The following GARNL3 variants were observed in gnomAD, a reference collection of about 807,000 sequenced individuals.
GARNL3 encodes GTPase-activating Rap/Ran-GAP domain-like protein 3.
A neutral mutation model predicts 125.0 loss-of-function variants in GARNL3; 63 were observed. That is an observed-to-expected ratio of 0.50 (90% CI 0.41 to 0.62). The LOEUF (loss-of-function observed/expected upper bound fraction) is 0.62, where lower values mean the gene tolerates loss of function less well. Among genes scored for constraint, GARNL3 ranks in the 20% least tolerant of loss-of-function variants. GARNL3 has a pLI of 0.00. For synonymous variants in GARNL3, 439 were observed against 457.5 expected (o/e 0.96, Z 0.52); for missense variants, 994 against 1,244.0 (o/e 0.80, Z 3.02).
chr9:127,306,267 C>T (rs1483567815), intron 2 of GARNL3, among the ~76,000 whole-genome samples: 1 of 152,140 alleles, frequency 6.6e-6, no homozygotes, highest in African/African-American at 2.4e-5. Flanking sequence ...ATTTATGATA[C>T]AGTAATATAT....
In GARNL3 at chr9:127,333,067, G is replaced by A. The variant is rs1407765950; in HGVS notation, c.715G>A (p.Asp239Asn). The A allele has an allele frequency of 6.2e-7, 1 of 1,614,122 alleles. No homozygotes were observed. Among genetic ancestry groups the A allele is most frequent in the Admixed American group, 1.7e-5 (1 of 60,028 alleles). ...TCAAAAATTTTTAAATCTTCTGGGTGACACAATCACTCTAAAGGGCTGGAC... is the reference window on the plus strand; with the variant it reads ...TCAAAAATTTTTAAATCTTCTGGGTAACACAATCACTCTAAAGGGCTGGAC... ...PFQKFLNLLGDTITLKGWTGY... is the reference protein window; with the variant it reads ...PFQKFLNLLGNTITLKGWTGY... The change falls in exon 9 of 28, where the codon GAC (aspartate) becomes AAC (asparagine). Residue 239 changes from aspartate to asparagine, a missense_variant. By Grantham distance (23) the Asp-to-Asn change is conservative. Transcript: ENST00000373387.
intron 4 of GARNL3, among the ~76,000 whole-genome samples, chr9:127,314,589 G>A (rs1252345135): frequency 6.7e-6 from 1 of 149,724 alleles, no homozygotes; most frequent in Non-Finnish European, 1.5e-5. Flanking sequence ...AGGCAGGAGA[G>A]GGTGGGTTTC....
At chr9:127,292,242 C>G (rs2064444591) in intron 2 of GARNL3, among the ~76,000 whole-genome samples, 1 of 152,220 alleles carries the variant, frequency 6.6e-6, no homozygotes, top group African/African-American at 2.4e-5. Context: ...CAAATGGAGG[C>G]TGAATACCCC....
chr9:127,311,041 A>G (rs867121626), intron 2 of GARNL3, among the ~76,000 whole-genome samples: 1 of 152,174 alleles, frequency 6.6e-6, no homozygotes, highest in Non-Finnish European at 1.5e-5. Flanking sequence ...AATTTTATTT[A>G]CAATAACAAA....
chr9:127,271,802 G>C (rs551103537), intron 1 of GARNL3, among the ~76,000 whole-genome samples: 2 of 150,170 alleles, frequency 1.3e-5, no homozygotes, highest in Admixed American at 1.3e-4. Flanking sequence ...GATACTTCTG[G>C]GTAAGTAATG....
intron 1 of GARNL3, among the ~76,000 whole-genome samples, chr9:127,233,852 C>G (rs2063064242): frequency 6.6e-6 from 1 of 152,092 alleles, no homozygotes; most frequent in African/African-American, 2.4e-5. Context: ...GTCGGGGTGC[C>G]TCCTTTTCTT....
chr9:127,231,050 A>ATATATATT lies in GARNL3; in HGVS notation c.-29+6713_-29+6714insATATATTT, dbSNP rs1161629810. 7.1e-4 allele frequency among the ~76,000 whole-genome samples: 64 copies of ATATATATT among 89,546 alleles called. 2 individuals are homozygous for ATATATATT. The highest frequency in any genetic ancestry group is 4.3e-3 in the African/African-American group (54 of 12,592). The allele number at this position is 89,546 out of a possible 152,430, so 58.7% of individuals were successfully genotyped here. A position where few individuals can be genotyped will look rare whatever the true frequency, so the allele number is the denominator to read the frequency against. Reference sequence around the variant, plus strand: ...TGTATATATACATATATATATATATATTTTTTTTTTTTTTTTTTTTTTGAG... The same window carrying ATATATATT: ...TGTATATATACATATATATATATATATATATATTTTTTTTTTTTTTTTTTTTTTTTGAG... On this transcript the variant is annotated intron_variant, in intron 1 of 10. Transcript: ENST00000439286.
At chr9:127,261,183 G>A (rs1227868167), upstream of GARNL3, among the ~76,000 whole-genome samples, 2 of 151,998 alleles carry the variant, frequency 1.3e-5, no homozygotes, top group East Asian at 2.0e-4. Context: ...TTGAACCCAG[G>A]AGGTGGAGGT....
Position 127,242,838 on chromosome 9 carries a change from G to A in GARNL3, c.-28-241G>A, listed in dbSNP as rs1047414864. ...GGCCTCCTTTTACTTTATACTCCGC[G>A]GACTTAACTGATTGCTGAGGGATGT... On this transcript the variant is annotated intron_variant, in intron 1 of 10. Transcript: ENST00000439286. The surrounding 1 kb of genome is among the most constrained non-coding windows in gnomAD (Gnocchi z 4.6). Among the ~76,000 whole-genome samples, 2 of 151,890 alleles carry A rather than the reference G, an allele frequency of 1.3e-5. No homozygotes were observed. Among genetic ancestry groups the A allele is most frequent in the Non-Finnish European group, 2.9e-5 (2 of 68,020 alleles).
chr9:127,284,646 A>G (rs1266023529), intron 1 of GARNL3, among the ~76,000 whole-genome samples: 1 of 152,012 alleles, frequency 6.6e-6, no homozygotes, highest in African/African-American at 2.4e-5. Context: ...TTCTGTAAAT[A>G]TAGCACCTAT....
At chr9:127,263,791 A>T (rs1178507620), upstream of GARNL3, 1 of 1,249,866 alleles carries the variant, frequency 8.0e-7, no homozygotes, top group East Asian at 3.1e-5. Context: ...AGATTAATTC[A>T]GCCATCTCTG....
At chr9:127,344,883 G>A (rs1278579822) in intron 15 of GARNL3, among the ~76,000 whole-genome samples, 1 of 152,178 alleles carries the variant, frequency 6.6e-6, no homozygotes, top group Non-Finnish European at 1.5e-5. Context: ...CTCAGTTCCG[G>A]GAGGCGACAC....
At chr9:127,356,568 C>T (rs1052426091) in intron 20 of GARNL3, 1 of 152,230 alleles carries the variant, frequency 6.6e-6, no homozygotes, top group African/African-American at 2.4e-5. Flanking sequence ...TAATGTTCAA[C>T]TTCAGGGGAC....
chr9:127,244,820 T>A (rs1371929246), intron 2 of GARNL3, among the ~76,000 whole-genome samples: 1 of 152,240 alleles, frequency 6.6e-6, no homozygotes, highest in Non-Finnish European at 1.5e-5. Flanking sequence ...CAGGAGTCAC[T>A]GTTGGCTTTT....
At chr9:127,319,931 A>T (rs1198028239) in intron 5 of GARNL3, among the ~76,000 whole-genome samples, 1 of 152,220 alleles carries the variant, frequency 6.6e-6, no homozygotes, top group African/African-American at 2.4e-5. Context: ...ATGACAAACT[A>T]CACATTCTAC....
At chr9:127,243,572 A>T (rs1408558990) in intron 2 of GARNL3, among the ~76,000 whole-genome samples, 3 of 152,222 alleles carry the variant, frequency 2.0e-5, no homozygotes, top group Non-Finnish European at 4.4e-5. Context: ...AATTTGTAAT[A>T]AGCTCTATGA....
chr9:127,355,779 G>A (rs1483233197), intron 20 of GARNL3, among the ~76,000 whole-genome samples: 1 of 152,186 alleles, frequency 6.6e-6, no homozygotes, highest in Non-Finnish European at 1.5e-5. Flanking sequence ...TATGATGGCT[G>A]GCATAAAGAA....
rs374439910 is a variant in GARNL3 at position 127,387,570 on chromosome 9, C to T, written c.2527+239C>T. ...CCAGCCTGACCAACATGGTGAAACC[C>T]CATCTCTACTAAAAATACAAAAATT... On this transcript the variant is annotated intron_variant, in intron 25 of 27. Transcript: ENST00000373387. 8.8e-4 allele frequency among the ~76,000 whole-genome samples: 133 copies of T among 151,738 alleles called. 1 individual carries two copies. Among genetic ancestry groups the T allele is most frequent in the African/African-American group, 3.0e-3 (122 of 41,354 alleles).
chr9:127,383,661 G>A (rs907455126), intron 23 of GARNL3, 116 bp downstream of exon 23: 9 of 609,558 alleles, frequency 1.5e-5, no homozygotes, highest in Admixed American at 6.5e-5. Context: ...TAAATTATAC[G>A]CGTATGATGA....
Sources: allele counts gnomAD v4.1 joint callset (sites outside exome capture counted in the v4.1 genomes callset), GRCh38; gene constraint gnomAD v4.1.1; non-coding constraint Gnocchi (gnomAD v3.1); transcripts MANE v1.5; gene names NCBI Gene and HGNC (gene_info 2026-07-23, HGNC 2026-07-21).